The following SCRG1 variants were observed in gnomAD, a reference collection of about 807,000 sequenced individuals.
SCRG1 encodes the protein stimulator of chondrogenesis 1, also known as scrapie-responsive protein 1.
Under a neutral mutation model 7.7 loss-of-function variants are expected in SCRG1, and 3 were observed. That is an observed-to-expected ratio of 0.39 (90% CI 0.18 to 1.01). The LOEUF (loss-of-function observed/expected upper bound fraction) is 1.01, where lower values mean the gene tolerates loss of function less well. SCRG1 is among the 50% of genes least tolerant of loss of function. The probability of loss-of-function intolerance (pLI) is 0.36; values close to 1 mark genes in which losing one functional copy is unlikely to be tolerated. For missense variants in SCRG1, 110 were observed against 117.2 expected (o/e 0.94, Z 0.28); for synonymous variants, 46 against 41.2 (o/e 1.12, Z -0.44).
chr4:173,459,157 A>G, the SCRG1 span, among the ~76,000 whole-genome samples: 12 of 152,350 alleles, frequency 7.9e-5, no homozygotes, highest in East Asian at 7.7e-4. Context: ...AGACTCCAAT[A>G]CAATAATAGT....
chr4:173,462,947 T>C, the SCRG1 span, among the ~76,000 whole-genome samples: 1 of 151,964 alleles, frequency 6.6e-6, no homozygotes, highest in Non-Finnish European at 1.5e-5. Flanking sequence ...CCAAAAAACA[T>C]ACAACGGACA....
the SCRG1 span, among the ~76,000 whole-genome samples, chr4:173,421,355 C>T: frequency 1.3e-4 from 20 of 151,786 alleles, no homozygotes; most frequent in Admixed American, 5.3e-4. Context: ...TCGAATGAGT[C>T]AGTGAACAGT....
At chr4:173,517,092 G>C in the SCRG1 span, among the ~76,000 whole-genome samples, 1 of 152,236 alleles carries the variant, frequency 6.6e-6, no homozygotes, top group East Asian at 1.9e-4. Flanking sequence ...CCGGCGCCCA[G>C]GCCGCCACTT....
At chr4:173,390,297 T>C (rs1739390786) in intron 2 of SCRG1, among the ~76,000 whole-genome samples, 1 of 152,166 alleles carries the variant, frequency 6.6e-6, no homozygotes, top group Non-Finnish European at 1.5e-5. Context: ...TCAATAAATA[T>C]TTAAGCTTAA....
the SCRG1 span, among the ~76,000 whole-genome samples, chr4:173,414,182 G>A: frequency 6.6e-6 from 1 of 152,216 alleles, no homozygotes; most frequent in Non-Finnish European, 1.5e-5. Context: ...GGAACACTTT[G>A]GCCACTCCTC....
At chr4:173,420,902 T>G in the SCRG1 span, among the ~76,000 whole-genome samples, 1 of 152,140 alleles carries the variant, frequency 6.6e-6, no homozygotes, top group African/African-American at 2.4e-5. Context: ...CCAAAGTCTG[T>G]GTGAGTGTGT....
the SCRG1 span, among the ~76,000 whole-genome samples, chr4:173,509,117 C>T: frequency 6.6e-6 from 1 of 152,146 alleles, no homozygotes; most frequent in East Asian, 1.9e-4. The surrounding 1 kb of genome is among the most constrained non-coding windows in gnomAD (Gnocchi z 5.7). Flanking sequence ...AGGAGGAGTC[C>T]AGAATTGGTG....
At chr4:173,418,217 T>G in the SCRG1 span, among the ~76,000 whole-genome samples, 2 of 152,266 alleles carry the variant, frequency 1.3e-5, no homozygotes, top group Non-Finnish European at 2.9e-5. Flanking sequence ...TGCATTGACC[T>G]TGGACTTGGC....
the SCRG1 span, among the ~76,000 whole-genome samples, chr4:173,503,505 TAA>T: frequency 6.6e-6 from 1 of 151,880 alleles, no homozygotes; most frequent in Non-Finnish European, 1.5e-5. The surrounding 1 kb of genome is among the most constrained non-coding windows in gnomAD (Gnocchi z 6.4). Flanking sequence ...GTTGCAAGGG[TAA>T]ACAGCTGGCC....
chr4:173,418,410 G>A, the SCRG1 span, among the ~76,000 whole-genome samples: 1 of 152,174 alleles, frequency 6.6e-6, no homozygotes, highest in Non-Finnish European at 1.5e-5. Flanking sequence ...TTGTGGCTGA[G>A]CCAAATCCAG....
At chr4:173,466,278 G>C in the SCRG1 span, among the ~76,000 whole-genome samples, 1 of 152,154 alleles carries the variant, frequency 6.6e-6, no homozygotes, top group African/African-American at 2.4e-5. Context: ...AATTAATCAT[G>C]ATATATTTTC....
chr4:173,441,946 G>A, the SCRG1 span, among the ~76,000 whole-genome samples: 66 of 152,286 alleles, frequency 4.3e-4, no homozygotes, highest in East Asian at 0.011. Context: ...ATGATAGACC[G>A]TAAAATCCAT....
At chr4:173,442,736 T>C in the SCRG1 span, among the ~76,000 whole-genome samples, 1 of 152,186 alleles carries the variant, frequency 6.6e-6, no homozygotes, top group Non-Finnish European at 1.5e-5. Context: ...TGCTGTGTCA[T>C]ATCATCGTGG....
chr4:173,485,062 T>TAATATAA, the SCRG1 span, among the ~76,000 whole-genome samples: 4 of 7,812 alleles, frequency 5.1e-4, 1 homozygote, highest in Middle Eastern at 0.2. Context: ...ATATTATATA[T>TAATATAA]TATATATTAT....
At chr4:173,500,513 C>A in the SCRG1 span, among the ~76,000 whole-genome samples, 1 of 149,484 alleles carries the variant, frequency 6.7e-6, no homozygotes, top group Non-Finnish European at 1.5e-5. Context: ...GGTCTCAAGG[C>A]GCGTTGCTGA....
the SCRG1 span, among the ~76,000 whole-genome samples, chr4:173,516,389 A>T: frequency 1.3e-5 from 2 of 152,374 alleles, no homozygotes; most frequent in South Asian, 4.1e-4. Flanking sequence ...AGGCATCTGC[A>T]GGCGGCCGAG....
chr4:173,440,470 A>T, the SCRG1 span, among the ~76,000 whole-genome samples: 1 of 152,308 alleles, frequency 6.6e-6, no homozygotes, highest in South Asian at 2.1e-4. Flanking sequence ...TTACTTTAAT[A>T]ACATTTATTT....
chr4:173,507,370 C>G, the SCRG1 span, among the ~76,000 whole-genome samples: 58 of 152,208 alleles, frequency 3.8e-4, no homozygotes, highest in Middle Eastern at 3.4e-3. This position sits in a 1 kb window ranked among gnomAD's most constrained non-coding sequence, Gnocchi z 4.4. Context: ...CCACCACGCC[C>G]GGCTAATTTT....
At chr4:173,446,136 T>C in the SCRG1 span, among the ~76,000 whole-genome samples, 2 of 152,322 alleles carry the variant, frequency 1.3e-5, no homozygotes, top group South Asian at 4.1e-4. Context: ...GATAATGGTT[T>C]CCCTTTTGTG....
Sources: allele counts gnomAD v4.1 joint callset (sites outside exome capture counted in the v4.1 genomes callset), GRCh38; gene constraint gnomAD v4.1.1; non-coding constraint Gnocchi (gnomAD v3.1); transcripts MANE v1.5; gene names NCBI Gene and HGNC (gene_info 2026-07-23, HGNC 2026-07-21).